The following FOXP1 variants were observed in gnomAD, a reference collection of about 807,000 sequenced individuals.
The protein encoded by FOXP1 is forkhead box P1.
Under a neutral mutation model 98.2 loss-of-function variants are expected in FOXP1, and 15 were observed. That is an observed-to-expected ratio of 0.15 (90% CI 0.10 to 0.24). The LOEUF (loss-of-function observed/expected upper bound fraction) is 0.24, where lower values mean the gene tolerates loss of function less well. Among genes scored for constraint, FOXP1 ranks in the 10% least tolerant of loss-of-function variants. FOXP1 has a pLI of 1.00. For missense variants in FOXP1, 633 were observed against 848.5 expected, an observed-to-expected ratio of 0.75 and a Z score of 3.15; for synonymous variants, 371 against 314.5, an observed-to-expected ratio of 1.18 and a Z score of -1.90.
chr3:71,165,502 C>T (rs1219270388), intron 6 of FOXP1, among the ~76,000 whole-genome samples: 1 of 152,072 alleles, frequency 6.6e-6, no homozygotes, highest in Non-Finnish European at 1.5e-5. Flanking sequence ...GAGCTGGTTT[C>T]GCTATATAAA....
At chr3:71,331,572 G>C (rs1473808225) in intron 4 of FOXP1, among the ~76,000 whole-genome samples, 13 of 152,246 alleles carry the variant, frequency 8.5e-5, no homozygotes, top group Admixed American at 8.5e-4. Flanking sequence ...GAGTCTAGTG[G>C]GGACTTGGAG....
At chr3:71,567,783 A>G (rs9879910) in intron 2 of FOXP1, 94,015 of 151,436 alleles carry the variant, frequency 0.62, 30,597 homozygotes, top group Non-Finnish European at 0.69. Flanking sequence ...GGGATAAAAG[A>G]AAGAAAAGAG....
chr3:71,378,881 T>C (rs1393272595), intron 3 of FOXP1, among the ~76,000 whole-genome samples: 1 of 152,134 alleles, frequency 6.6e-6, no homozygotes, highest in Non-Finnish European at 1.5e-5. Flanking sequence ...AGGCATTCAC[T>C]GGGGGTCTTG....
At chr3:71,312,278 A>T (rs986102318) in intron 4 of FOXP1, among the ~76,000 whole-genome samples, 2 of 152,238 alleles carry the variant, frequency 1.3e-5, no homozygotes, top group African/African-American at 4.8e-5. Context: ...AAAGAAAGGT[A>T]ATCAAGTGTG....
At chr3:71,382,507 G>C (rs566874863) in intron 3 of FOXP1, among the ~76,000 whole-genome samples, 1 of 152,204 alleles carries the variant, frequency 6.6e-6, no homozygotes, top group East Asian at 1.9e-4. Context: ...GGTGGTATGT[G>C]GCAGAAACAA....
intron 4 of FOXP1, among the ~76,000 whole-genome samples, chr3:71,325,980 C>CTG (rs1312742482): frequency 6.6e-6 from 1 of 152,118 alleles, no homozygotes; most frequent in Non-Finnish European, 1.5e-5. Flanking sequence ...GATTTACATT[C>CTG]TGCTGACAGC....
chr3:71,429,598 A>G (rs1426390112), intron 3 of FOXP1, among the ~76,000 whole-genome samples: 1 of 152,178 alleles, frequency 6.6e-6, no homozygotes, highest in Non-Finnish European at 1.5e-5. Context: ...CAAAACCTGA[A>G]AGAGTATTGT....
At chr3:71,112,661 C>G in intron 6 of FOXP1, 24 bp from the exon 7 acceptor site, 1 of 1,547,860 alleles carries the variant, frequency 6.5e-7, no homozygotes, top group Non-Finnish European at 8.9e-7. Flanking sequence ...CAAGAAAATC[C>G]TTTGCGTTAC....
At chr3:71,407,897 G>C (rs924188215) in intron 3 of FOXP1, among the ~76,000 whole-genome samples, 6 of 152,172 alleles carry the variant, frequency 3.9e-5, no homozygotes, top group African/African-American at 1.2e-4. Context: ...CAATTCAGGG[G>C]CTTTGTGCCC....
intron 5 of FOXP1, among the ~76,000 whole-genome samples, chr3:71,263,325 A>G (rs998267637): frequency 6.6e-6 from 1 of 152,176 alleles, no homozygotes; most frequent in Non-Finnish European, 1.5e-5. Context: ...AACACCACGA[A>G]AGCCAGGAAT....
chr3:71,001,591 TGGGGGG>T (rs1222215912), intron 12 of FOXP1, among the ~76,000 whole-genome samples: 2 of 150,450 alleles, frequency 1.3e-5, no homozygotes, highest in Non-Finnish European at 3.0e-5. Flanking sequence ...GTACCAATGG[TGGGGGG>T]TGGGGGAGAG....
chr3:71,000,301 TTA>T (rs3060664), intron 13 of FOXP1, among the ~76,000 whole-genome samples: 55,440 of 149,674 alleles, frequency 0.37, 12,774 homozygotes, highest in Non-Finnish European at 0.51. Flanking sequence ...ATACTAGATT[TTA>T]TATATATATA....
intron 6 of FOXP1, among the ~76,000 whole-genome samples, chr3:71,160,241 C>T (rs1389999143): frequency 6.6e-6 from 1 of 152,038 alleles, no homozygotes; most frequent in African/African-American, 2.4e-5. Flanking sequence ...ACTGCAACTC[C>T]ACACTAGCCT....
intron 5 of FOXP1, among the ~76,000 whole-genome samples, chr3:71,286,387 G>A (rs1261335313): frequency 1.5e-5 from 2 of 130,316 alleles, no homozygotes; most frequent in African/African-American, 5.8e-5. Context: ...ACTACTTATT[G>A]CTTAATCAAT....
intron 3 of FOXP1, among the ~76,000 whole-genome samples, chr3:71,487,801 C>T (rs557700815): frequency 6.6e-6 from 1 of 152,264 alleles, no homozygotes; most frequent in South Asian, 2.1e-4. Flanking sequence ...CCGTAAGGGG[C>T]TTAGAGAGGA....
intron 5 of FOXP1, among the ~76,000 whole-genome samples, chr3:71,283,605 T>G (rs1274940769): frequency 6.6e-6 from 1 of 152,208 alleles, no homozygotes; most frequent in Admixed American, 6.5e-5. Flanking sequence ...ATAGCAGAAG[T>G]TGTAAGAATA....
intron 4 of FOXP1, among the ~76,000 whole-genome samples, chr3:71,355,381 C>A (rs2078083291): frequency 6.6e-6 from 1 of 152,126 alleles, no homozygotes; most frequent in Admixed American, 6.5e-5. Context: ...ACATATGGAA[C>A]AAACAAGAGG....
At chr3:71,582,795 T>G in intron 1 of FOXP1, 1 of 984,676 alleles carries the variant, frequency 1.0e-6, no homozygotes. Context: ...CGCAGGTGCG[T>G]GTTTGAATTT....
chr3:71,198,422 G>C (rs76943175), intron 5 of FOXP1, 30 bp from the exon 6 acceptor site: 1 of 527,986 alleles, frequency 1.9e-6, no homozygotes, highest in Non-Finnish European at 3.7e-6. Flanking sequence ...GATGGGGGGA[G>C]GGAGGGGGGG....
Sources: allele counts gnomAD v4.1 joint callset (sites outside exome capture counted in the v4.1 genomes callset), GRCh38; gene constraint gnomAD v4.1.1; transcripts MANE v1.5; gene names NCBI Gene and HGNC (gene_info 2026-07-23, HGNC 2026-07-21).